SSBP3: variants seen among roughly 807,000 people sequenced by gnomAD.
The protein encoded by SSBP3 is single-stranded DNA-binding protein 3.
Under a neutral mutation model 69.6 loss-of-function variants are expected in SSBP3, and 5 were observed. The ratio of observed to expected loss-of-function variants is 0.07; its 90% CI spans 0.04 to 0.15. The LOEUF (loss-of-function observed/expected upper bound fraction) is 0.15, where lower values mean the gene tolerates loss of function less well. SSBP3 is among the 10% of genes least tolerant of loss of function. The pLI is 1.00. For missense variants in SSBP3, 312 were observed against 534.0 expected, an observed-to-expected ratio of 0.58 and a Z score of 4.10; for synonymous variants, 196 against 193.4, an observed-to-expected ratio of 1.01 and a Z score of -0.11.
intron 4 of SSBP3, among the ~76,000 whole-genome samples, chr1:54,364,479 C>G (rs754098002): frequency 3.2e-4 from 48 of 152,332 alleles, no homozygotes; most frequent in Non-Finnish European, 6.3e-4. Context: ...TGCCTCCCAA[C>G]CTAGCACTCT....
chr1:54,272,989 T>G (rs1645221812), intron 5 of SSBP3, among the ~76,000 whole-genome samples: 1 of 151,656 alleles, frequency 6.6e-6, no homozygotes, highest in African/African-American at 2.4e-5. Context: ...CCCCCTTCCC[T>G]CCCTCAAAAG....
intron 4 of SSBP3, among the ~76,000 whole-genome samples, chr1:54,318,610 C>T (rs569119294): frequency 1.1e-4 from 16 of 152,214 alleles, no homozygotes; most frequent in Non-Finnish European, 2.2e-4. Context: ...CCGAGTCTCA[C>T]CTCCTGGTGG....
chr1:54,293,887 A>G (rs2100961914), intron 4 of SSBP3, among the ~76,000 whole-genome samples: 1 of 152,354 alleles, frequency 6.6e-6, no homozygotes, highest in Admixed American at 6.5e-5. Context: ...CTGTAATCCC[A>G]GCACTCTGGG....
intron 4 of SSBP3, among the ~76,000 whole-genome samples, chr1:54,326,783 A>G (rs896954629): frequency 4.6e-5 from 7 of 152,194 alleles, no homozygotes; most frequent in Non-Finnish European, 1.5e-5. Flanking sequence ...ATCTGTAAAC[A>G]GGCCTGTGGG....
chr1:54,293,739 A>G (rs1645648863), intron 4 of SSBP3, among the ~76,000 whole-genome samples: 1 of 152,226 alleles, frequency 6.6e-6, no homozygotes, highest in Non-Finnish European at 1.5e-5. Context: ...TCCTTATTAA[A>G]TTAGCCAGCT....
intron 4 of SSBP3, among the ~76,000 whole-genome samples, chr1:54,373,691 C>A (rs1222313028): frequency 2.0e-5 from 3 of 151,084 alleles, no homozygotes; most frequent in African/African-American, 7.3e-5. Context: ...TGCTTGAGCC[C>A]GGGAGGTGGA....
At chr1:54,344,706 G>A (rs1646660895) in intron 4 of SSBP3, among the ~76,000 whole-genome samples, 1 of 152,196 alleles carries the variant, frequency 6.6e-6, no homozygotes, top group African/African-American at 2.4e-5. Flanking sequence ...GCAAAGAGAT[G>A]AGAGATAGCA....
At chr1:54,265,406 T>C (rs754008529) in intron 5 of SSBP3, among the ~76,000 whole-genome samples, 1 of 152,054 alleles carries the variant, frequency 6.6e-6, no homozygotes, top group Non-Finnish European at 1.5e-5. Context: ...GGTGACTAAG[T>C]TGCCCGCCTG....
chr1:54,271,574 C>T (rs1645194703), intron 5 of SSBP3, among the ~76,000 whole-genome samples: 1 of 150,438 alleles, frequency 6.6e-6, no homozygotes, highest in African/African-American at 2.5e-5. Flanking sequence ...CCATCGTGCT[C>T]CAAAGACCCT....
chr1:54,251,329 C>A (rs1570261998), intron 9 of SSBP3, among the ~76,000 whole-genome samples: 2 of 152,198 alleles, frequency 1.3e-5, no homozygotes, highest in East Asian at 3.9e-4. Flanking sequence ...TGATAGGCTA[C>A]CGCACCCCAA....
intron 4 of SSBP3, among the ~76,000 whole-genome samples, chr1:54,316,410 C>T (rs1358875880): frequency 6.7e-6 from 1 of 148,722 alleles, no homozygotes; most frequent in Non-Finnish European, 1.5e-5. Flanking sequence ...GAGGCCGAGG[C>T]GGGTGGATCA....
chr1:54,342,828 C>T (rs940190720), intron 4 of SSBP3, among the ~76,000 whole-genome samples: 4 of 152,182 alleles, frequency 2.6e-5, no homozygotes, highest in African/African-American at 9.7e-5. Context: ...CTCCCACACC[C>T]CAGCCCTCTG....
upstream of SSBP3, among the ~76,000 whole-genome samples, chr1:54,407,736 T>A (rs1570089162): frequency 2.7e-5 from 4 of 146,130 alleles, no homozygotes; most frequent in South Asian, 8.9e-4. Flanking sequence ...CTTGAAACTG[T>A]TAGCCTAGGT....
At chr1:54,397,978 G>C (rs141750499) in intron 4 of SSBP3, among the ~76,000 whole-genome samples, 2 of 152,078 alleles carry the variant, frequency 1.3e-5, no homozygotes, top group Non-Finnish European at 2.9e-5. Flanking sequence ...TGAACATGTC[G>C]GGGGGCACCA....
chr1:54,272,034 G>A (rs563177817), intron 5 of SSBP3, among the ~76,000 whole-genome samples: 4 of 152,188 alleles, frequency 2.6e-5, no homozygotes, highest in African/African-American at 7.2e-5. Context: ...CCTCCAAAGT[G>A]CTGGGATTAT....
intron 4 of SSBP3, among the ~76,000 whole-genome samples, chr1:54,347,370 T>TA (rs201565456): frequency 0.054 from 7,610 of 140,306 alleles, 595 homozygotes; most frequent in African/African-American, 0.18. Context: ...GTCCCCTTTT[T>TA]AAAAAAAAAA....
At chr1:54,406,145 T>G (rs1288824676) in exon 1 of SSBP3, 1 of 563,620 alleles carries the variant, frequency 1.8e-6, no homozygotes, top group Non-Finnish European at 2.7e-6. Context: ...GGCGCTCTCC[T>G]CGCCGCGCTC....
chr1:54,371,413 G>T (rs542150761), intron 4 of SSBP3, among the ~76,000 whole-genome samples: 1 of 152,198 alleles, frequency 6.6e-6, no homozygotes. Flanking sequence ...CAGAAGGCTG[G>T]CTCTGGGGAA....
At chr1:54,312,612 C>A (rs922414549) in intron 4 of SSBP3, among the ~76,000 whole-genome samples, 2 of 152,128 alleles carry the variant, frequency 1.3e-5, no homozygotes, top group Non-Finnish European at 2.9e-5. Context: ...GTCCTGTACA[C>A]TCCTTCCTTC....
Sources: allele counts gnomAD v4.1 joint callset (sites outside exome capture counted in the v4.1 genomes callset), GRCh38; gene constraint gnomAD v4.1.1; transcripts MANE v1.5; gene names NCBI Gene and HGNC (gene_info 2026-07-23, HGNC 2026-07-21).